The following EFR3B variants were observed in gnomAD, a reference collection of about 807,000 sequenced individuals.
EFR3B encodes protein EFR3 homolog B.
In EFR3B, 64 loss-of-function variants were observed where a neutral mutation model predicts 104.7. The observed-to-expected ratio is 0.61, with a 90% confidence interval of 0.50 to 0.75. EFR3B has a LOEUF of 0.75. Among genes scored for constraint, EFR3B ranks in the 30% least tolerant of loss-of-function variants. The pLI is 0.00. For missense variants in EFR3B, 750 were observed against 1,078.5 expected, an observed-to-expected ratio of 0.70 and a Z score of 4.27; for synonymous variants, 385 against 417.9, an observed-to-expected ratio of 0.92 and a Z score of 0.96.
At chr2:25,080,991 T>G (rs1668787796) in intron 1 of EFR3B, 5 of 756,972 alleles carry the variant, frequency 6.6e-6, no homozygotes, top group African/African-American at 1.7e-5. Flanking sequence ...ATCAACAGGT[T>G]CTTTAATTGC....
Position 25,135,571 on chromosome 2 carries a change from CTTTG to C in EFR3B, c.1419_1422del (p.Val474Ter). On this transcript the variant is annotated frameshift_variant, in exon 13 of 23. Transcript: ENST00000403714. LOFTEE classifies it high-confidence loss of function. ...TCATGGAGGATGCAGAAATTCGACT[CTTTG>C]TTCTAGAGATTCTCATCAGTTTCAT... 6.4e-7 allele frequency: 1 copy of C among 1,552,024 alleles called. No individual in the cohort carries two copies. Among genetic ancestry groups the C allele is most frequent in the Non-Finnish European group, 8.7e-7 (1 of 1,147,082 alleles).
At chr2:25,143,642 A>G in intron 17 of EFR3B, 93 bp from the exon 18 acceptor site, 2 of 1,468,650 alleles carry the variant, frequency 1.4e-6, no homozygotes, top group African/African-American at 1.4e-5. Flanking sequence ...CCTGGGCGAC[A>G]AGAGCAAAAC....
At chr2:25,052,230 T>A (rs1381904349) in intron 1 of EFR3B, among the ~76,000 whole-genome samples, 8 of 151,862 alleles carry the variant, frequency 5.3e-5, no homozygotes, top group Non-Finnish European at 7.4e-5. Context: ...ATAAATAAAG[T>A]GCTGGGGTTA....
chr2:25,093,191 A>T (rs1669181046), intron 3 of EFR3B, 61 bp downstream of exon 3: 1 of 1,524,918 alleles, frequency 6.6e-7, no homozygotes. Context: ...GGCTAAACAT[A>T]GGGTCCTTTT....
At chr2:25,088,819 C>T (rs1251552145) in intron 1 of EFR3B, among the ~76,000 whole-genome samples, 1 of 152,174 alleles carries the variant, frequency 6.6e-6, no homozygotes, top group East Asian at 1.9e-4. Context: ...TAGCCCCTGC[C>T]CTCAGAGGGC....
At chr2:25,144,205 G>A (rs1191761564) in intron 18 of EFR3B, among the ~76,000 whole-genome samples, 2 of 152,166 alleles carry the variant, frequency 1.3e-5, no homozygotes, top group Non-Finnish European at 2.9e-5. Flanking sequence ...CAAGTCCTTT[G>A]CATCCCTGAA....
At position 25,133,410 on chromosome 2, in the gene EFR3B, T is replaced by G. The variant is rs1409047141; in HGVS notation, c.1287T>G (p.Ile429Met). Residue 429 changes from isoleucine to methionine, a missense_variant, in exon 12 of 23, where the codon ATT becomes ATG. Physicochemically the swap from Ile to Met is conservative, Grantham distance 10 (BLOSUM62 1). Transcript: ENST00000403714. ...TGENRNRLTQ[I>M]MLLKSLLQVS... ...AGAATAGGAACCGTCTGACCCAGAT[T>G]ATGCTGCTAAAATCCCTCCTGCAGG... 13 of 1,552,284 alleles carry G rather than the reference T, an allele frequency of 8.4e-6. No homozygotes were observed. In the Admixed American group the frequency reaches 2.4e-4, roughly 28 times the overall value.
chr2:25,058,481 A>G (rs1414427528), intron 1 of EFR3B, among the ~76,000 whole-genome samples: 2 of 152,156 alleles, frequency 1.3e-5, no homozygotes, highest in African/African-American at 4.8e-5. Flanking sequence ...AGTGTTGGCC[A>G]GGCACAGTGG....
intron 4 of EFR3B, among the ~76,000 whole-genome samples, chr2:25,118,592 C>G (rs964850184): frequency 2.0e-5 from 3 of 151,840 alleles, no homozygotes; most frequent in African/African-American, 7.3e-5. Context: ...TGAGGTGTTA[C>G]GTTAACTGGC....
Position 25,047,087 on chromosome 2 carries a change from A to G in EFR3B, c.7+4768A>G, listed in dbSNP as rs142060648. Among the ~76,000 whole-genome samples, 264 of 152,378 alleles carry G rather than the reference A, an allele frequency of 1.7e-3. 1 individual carries two copies. Among genetic ancestry groups the G allele is most frequent in the African/African-American group, 6.1e-3 (252 of 41,586 alleles). Reference sequence around the variant, plus strand: ...CAGTTCAGTGAATACAAGTGGTCACAGTTTTTTTCTTGTACATAAATAAAA... The same window carrying G: ...CAGTTCAGTGAATACAAGTGGTCACGGTTTTTTTCTTGTACATAAATAAAA... On this transcript the variant is annotated intron_variant, in intron 1 of 22. Transcript: ENST00000403714.
intron 18 of EFR3B, 135 bp from the exon 19 acceptor site, chr2:25,144,825 G>A (rs1670769970): frequency 4.5e-6 from 3 of 665,214 alleles, no homozygotes; most frequent in South Asian, 2.1e-5. Context: ...AACTCCAAGT[G>A]TAGCCTGAGT....
intron 1 of EFR3B, among the ~76,000 whole-genome samples, chr2:25,065,425 A>C (rs1668308344): frequency 6.7e-6 from 1 of 148,854 alleles, no homozygotes; most frequent in Non-Finnish European, 1.5e-5. Flanking sequence ...TCCTGTGCTC[A>C]AGCGATCCTC....
intron 21 of EFR3B, among the ~76,000 whole-genome samples, chr2:25,152,905 G>C (rs1671054754): frequency 6.6e-6 from 1 of 151,970 alleles, no homozygotes; most frequent in African/African-American, 2.4e-5. Context: ...CCCACTTTGA[G>C]AGGGATGCCC....
Position 25,120,514 on chromosome 2 carries a change from CGCAT to C in EFR3B, c.364-1158_364-1155del, listed in dbSNP as rs1558609875. On this transcript the variant is annotated intron_variant, in intron 4 of 22. Coordinates refer to ENST00000403714, the MANE Select transcript of EFR3B (RefSeq NM_014971.2). The stretch of plus-strand genomic sequence containing the variant: ...CAAAAATTAGCTGGGCATGGTGGCA[CGCAT>C]CTGTAGTCCCAGCTACCCAGGAGGC... 2.5e-3 allele frequency among the ~76,000 whole-genome samples: 385 copies of C among 152,038 alleles called. 2 individuals are homozygous for C. The highest frequency in any genetic ancestry group is 8.9e-3 in the African/African-American group (369 of 41,464).
Position 25,129,997 on chromosome 2 carries a change from G to C in EFR3B, c.658G>C (p.Ala220Pro). 1.3e-6 allele frequency: 2 copies of C among 1,551,706 alleles called. No homozygotes were observed. The highest frequency in any genetic ancestry group is 8.7e-7 in the Non-Finnish European group (1 of 1,147,016). Residue 220 changes from alanine (A) to proline (P), a missense_variant, in exon 7 of 23, where the codon GCA becomes CCA. Physicochemically the swap from Ala to Pro is conservative, Grantham distance 27. Coordinates refer to ENST00000403714, the MANE Select transcript of EFR3B (RefSeq NM_014971.2). The part of the protein sequence containing the change: ...AESRSPSPLQ[A>P]PEKEKESPAE... ...CAGCCGGTCTCCCTCACCCCTCCAA[G>C]CACCTGAGAAGGAGAAAGAGAGCCC...
intron 1 of EFR3B, chr2:25,081,435 T>G (rs1157930220): frequency 2.1e-6 from 3 of 1,418,028 alleles, no homozygotes; most frequent in Non-Finnish European, 2.0e-6. Flanking sequence ...TTTTGGCAAT[T>G]GCATAAGCTT....
chr2:25,122,565 T>C (rs1020839066), intron 5 of EFR3B, among the ~76,000 whole-genome samples: 1 of 151,986 alleles, frequency 6.6e-6, no homozygotes, highest in African/African-American at 2.4e-5. Context: ...CTCGTTCCCC[T>C]CCAGCACACC....
chr2:25,067,341 A>G (rs903125275), intron 1 of EFR3B, among the ~76,000 whole-genome samples: 2 of 151,890 alleles, frequency 1.3e-5, no homozygotes, highest in African/African-American at 4.8e-5. Flanking sequence ...ACATATTTAC[A>G]TACACACCCC....
intron 1 of EFR3B, among the ~76,000 whole-genome samples, chr2:25,046,657 C>T (rs1461178137): frequency 1.3e-5 from 2 of 150,962 alleles, no homozygotes; most frequent in African/African-American, 2.4e-5. Context: ...GCGTCCACCA[C>T]CTCGCCCGGC....
Sources: allele counts gnomAD v4.1 joint callset (sites outside exome capture counted in the v4.1 genomes callset), GRCh38; gene constraint gnomAD v4.1.1; transcripts MANE v1.5; gene names NCBI Gene and HGNC (gene_info 2026-07-23, HGNC 2026-07-21).